SNX30: variants seen among roughly 807,000 people sequenced by gnomAD.
SNX30 encodes the protein sorting nexin-30.
SNX30 carries 24 observed loss-of-function variants against 46.4 expected under a neutral mutation model. The observed-to-expected ratio is 0.52, with a 90% CI of 0.37 to 0.73. The LOEUF is 0.73. Among genes scored for constraint, SNX30 ranks in the 30% least tolerant of loss-of-function variants. The pLI, the probability that SNX30 is intolerant of heterozygous loss-of-function variation, is 0.00. For missense variants in SNX30, 533 were observed against 555.7 expected (o/e 0.96, Z 0.41); for synonymous variants, 189 against 211.5 (o/e 0.89, Z 0.92).
chr9:112,860,403 C>T (rs1008832585), intron 7 of SNX30, among the ~76,000 whole-genome samples: 1 of 152,224 alleles, frequency 6.6e-6, no homozygotes, highest in African/African-American at 2.4e-5. Context: ...CCCCTGGCTG[C>T]AACTCCCTCC....
chr9:112,858,370 C>T (rs1841169516), intron 7 of SNX30, among the ~76,000 whole-genome samples: 1 of 151,984 alleles, frequency 6.6e-6, no homozygotes, highest in Non-Finnish European at 1.5e-5. Flanking sequence ...AAAATATTAG[C>T]TGGGTGTGAT....
In SNX30 at chr9:112,830,640, G is replaced by A. The variant is rs1840645918; in HGVS notation, c.460-85G>A. 7 of 1,213,602 alleles carry A rather than the reference G, an allele frequency of 5.8e-6. No individual in the cohort carries two copies. In the South Asian group the frequency reaches 9.4e-5, roughly 16 times the overall value. 75.2% of individuals were successfully genotyped at this position (1,213,602 alleles called of 1,614,324 possible). On this transcript the variant is annotated intron_variant, in intron 3 of 8. Transcript: ENST00000374232. ...AAGAAATACTTTTCTTGGATAGAGGGGTAATAGAACTGTGTGCTAGCCTGG... is the reference window on the plus strand; with the variant it reads ...AAGAAATACTTTTCTTGGATAGAGGAGTAATAGAACTGTGTGCTAGCCTGG...
At chr9:112,767,809 A>T (rs1461753045) in intron 1 of SNX30, among the ~76,000 whole-genome samples, 1 of 151,996 alleles carries the variant, frequency 6.6e-6, no homozygotes, top group East Asian at 1.9e-4. Flanking sequence ...TATGTTGTCC[A>T]TGCTGGTCTC....
chr9:112,765,866 C>T (rs1292929499), intron 1 of SNX30, among the ~76,000 whole-genome samples: 3 of 152,060 alleles, frequency 2.0e-5, no homozygotes, highest in Non-Finnish European at 2.9e-5. Context: ...TGCAGTGGCG[C>T]GATCTCAGCT....
rs190562597 is a variant in SNX30, at chr9:112,794,978, A to G, written c.157-9798A>G. Among the ~76,000 whole-genome samples the G allele has an allele frequency of 2.8e-4, 42 of 152,338 alleles. No homozygotes were observed. The East Asian group carries it at 6.0e-3, about 22-fold the overall frequency. ...GGGGAGTTTTCATTATTAATCAACT[A>G]TGTAGTTGTAACTCTTCACAAAGGC... On this transcript the variant is annotated intron_variant, in intron 1 of 8. Coordinates refer to ENST00000374232, the MANE Select transcript of SNX30 (RefSeq NM_001012994.2).
rs970082013 is a variant in SNX30, at chr9:112,751,284, T to C, written c.156+127T>C. The stretch of plus-strand genomic sequence containing the variant: ...CGCCCCTTCCCGGGGGACGGGCGTG[T>C]CCTGGCCCCGGAGCCCTCGGCGAAG... On this transcript the variant is annotated intron_variant, in intron 1 of 8. Transcript: ENST00000374232. 17 of 1,175,268 alleles carry C rather than the reference T, an allele frequency of 1.4e-5. No homozygotes were observed. The African/African-American group carries it at 2.6e-4, about 18-fold the overall frequency. The allele number at this position is 1,175,268 out of a possible 1,614,324, so 72.8% of individuals were successfully genotyped here. A position where few individuals can be genotyped will look rare whatever the true frequency, so the allele number is the denominator to read the frequency against.
intron 3 of SNX30, among the ~76,000 whole-genome samples, chr9:112,821,877 G>A (rs1358167717): frequency 6.6e-6 from 1 of 151,936 alleles, no homozygotes; most frequent in Non-Finnish European, 1.5e-5. Context: ...CTGCAGCCTC[G>A]ACCTCCCAGG....
rs901820276 is a variant in SNX30, at chr9:112,828,535, C to T, written c.460-2190C>T. On this transcript the variant is annotated intron_variant, in intron 3 of 8. Coordinates refer to ENST00000374232, the MANE Select transcript of SNX30 (RefSeq NM_001012994.2). Reference sequence around the variant, plus strand: ...TTTTTATAAAGTTAAACAAGCTCAACGAACAGTACATGGTTTTAAAACTGA... The same window carrying T: ...TTTTTATAAAGTTAAACAAGCTCAATGAACAGTACATGGTTTTAAAACTGA... Among the ~76,000 whole-genome samples the T allele has an allele frequency of 3.2e-4, 49 of 151,958 alleles. 1 individual carries two copies. The highest frequency in any genetic ancestry group is 1.1e-3 in the African/African-American group (46 of 41,372).
intron 1 of SNX30, among the ~76,000 whole-genome samples, chr9:112,765,405 C>T (rs1839519699): frequency 1.3e-5 from 2 of 152,178 alleles, no homozygotes; most frequent in African/African-American, 2.4e-5. Flanking sequence ...AGAACATTTT[C>T]ATCATCTCAA....
chr9:112,863,823 A>C (rs545293887), intron 7 of SNX30, among the ~76,000 whole-genome samples: 1 of 152,180 alleles, frequency 6.6e-6, no homozygotes, highest in African/African-American at 2.4e-5. Context: ...GGGAGAACCT[A>C]CCTCTTCTCT....
intron 3 of SNX30, among the ~76,000 whole-genome samples, chr9:112,828,365 C>A (rs980481068): frequency 6.6e-6 from 1 of 152,186 alleles, no homozygotes; most frequent in South Asian, 2.1e-4. Context: ...ATAGCCTATA[C>A]CGTATCGCCT....
At chr9:112,868,666 C>A in intron 8 of SNX30, 118 bp from the exon 9 acceptor site, 2 of 1,014,126 alleles carry the variant, frequency 2.0e-6, no homozygotes, top group South Asian at 1.3e-5. Context: ...ATGCAGGCAT[C>A]ATTAGACAAA....
At chr9:112,826,597 T>C (rs1347839514) in intron 3 of SNX30, among the ~76,000 whole-genome samples, 1 of 152,092 alleles carries the variant, frequency 6.6e-6, no homozygotes, top group Non-Finnish European at 1.5e-5. Flanking sequence ...GATGGAATGC[T>C]TAGCTTTAGG....
intron 7 of SNX30, among the ~76,000 whole-genome samples, chr9:112,859,969 T>G (rs1396370552): frequency 6.7e-6 from 1 of 148,866 alleles, no homozygotes; most frequent in African/African-American, 2.5e-5. Context: ...TTTTTTGAGA[T>G]GGAGTCTCGC....
At chr9:112,774,337 T>C (rs1376480008) in intron 1 of SNX30, among the ~76,000 whole-genome samples, 2 of 152,122 alleles carry the variant, frequency 1.3e-5, no homozygotes, top group African/African-American at 4.8e-5. Context: ...AAGATTCAAA[T>C]TACTAAAATG....
downstream of SNX30, among the ~76,000 whole-genome samples, chr9:112,883,700 C>T (rs1247832281): frequency 6.6e-5 from 8 of 121,322 alleles, no homozygotes; most frequent in Admixed American, 1.7e-4. Flanking sequence ...TTTTTCTTTT[C>T]TTTTTTTTTT....
intron 1 of SNX30, among the ~76,000 whole-genome samples, chr9:112,752,854 A>T (rs1043710104): frequency 6.6e-6 from 1 of 152,206 alleles, no homozygotes; most frequent in Non-Finnish European, 1.5e-5. Flanking sequence ...CTTGGGCTGC[A>T]GTCATCTGAA....
At chr9:112,834,843 A>AAACAC (rs1840723377) in intron 4 of SNX30, among the ~76,000 whole-genome samples, 4 of 78,318 alleles carry the variant, frequency 5.1e-5, no homozygotes, top group South Asian at 1.2e-3. Context: ...CACACACACA[A>AAACAC]ACACACACAC....
intron 1 of SNX30, among the ~76,000 whole-genome samples, chr9:112,756,487 C>T (rs1839352007): frequency 7.6e-6 from 1 of 131,660 alleles, no homozygotes; most frequent in Non-Finnish European, 1.5e-5. Context: ...CCCTGTTGCC[C>T]AGGCTGTGGT....
Sources: gnomAD v4.1 joint callset for allele counts (sites outside exome capture counted in the v4.1 genomes callset) on GRCh38, gnomAD v4.1.1 for gene constraint, MANE v1.5 for transcripts, NCBI Gene and HGNC (gene_info 2026-07-23, HGNC 2026-07-21) for gene names.